DLGAP1: variants seen among roughly 807,000 people sequenced by gnomAD.
DLGAP1 encodes disks large-associated protein 1.
DLGAP1 carries 11 observed loss-of-function variants against 90.8 expected under a neutral mutation model. The observed-to-expected ratio is 0.12, with a 90% CI of 0.08 to 0.20. The LOEUF (loss-of-function observed/expected upper bound fraction) is 0.20. Among genes scored for constraint, DLGAP1 ranks in the 10% least tolerant of loss-of-function variants. DLGAP1 has a pLI of 1.00. For missense variants in DLGAP1, 1,050 were observed against 1,333.8 expected, an observed-to-expected ratio of 0.79 and a Z score of 3.31; for synonymous variants, 558 against 540.7, an observed-to-expected ratio of 1.03 and a Z score of -0.44.
At chr18:4,018,807 G>A (rs575638265) in intron 2 of DLGAP1, among the ~76,000 whole-genome samples, 10 of 152,256 alleles carry the variant, frequency 6.6e-5, no homozygotes, top group East Asian at 1.9e-4. Flanking sequence ...TTAATTATTC[G>A]AATTCTGAAT....
At chr18:3,860,158 G>C (rs924617110) in intron 4 of DLGAP1, among the ~76,000 whole-genome samples, 1 of 151,494 alleles carries the variant, frequency 6.6e-6, no homozygotes, top group African/African-American at 2.4e-5. Context: ...GGGGCATTTT[G>C]TTATTGCAGC....
chr18:3,608,473 T>C (rs2145858181), intron 7 of DLGAP1: 1 of 152,364 alleles, frequency 6.6e-6, no homozygotes, highest in Non-Finnish European at 1.5e-5. Flanking sequence ...TTAGTCACTT[T>C]GATTTTATTT....
chr18:4,013,074 A>C (rs1434858864), intron 2 of DLGAP1, among the ~76,000 whole-genome samples: 1 of 152,144 alleles, frequency 6.6e-6, no homozygotes, highest in Admixed American at 6.6e-5. Flanking sequence ...GAGTAATATT[A>C]AGTTGTAGTT....
intron 3 of DLGAP1, among the ~76,000 whole-genome samples, chr18:3,960,696 C>T (rs1229582767): frequency 1.3e-5 from 2 of 152,186 alleles, no homozygotes; most frequent in African/African-American, 2.4e-5. Flanking sequence ...CAGGTGAAGC[C>T]GAGGCTGTTA....
intron 5 of DLGAP1, among the ~76,000 whole-genome samples, chr18:3,751,975 C>A: frequency 6.6e-6 from 1 of 151,258 alleles, no homozygotes; most frequent in Non-Finnish European, 1.5e-5. Context: ...CCTCTGCTGC[C>A]CAGGTTCAAG....
At chr18:4,264,309 G>A (rs1437269585) in intron 1 of DLGAP1, among the ~76,000 whole-genome samples, 1 of 152,200 alleles carries the variant, frequency 6.6e-6, no homozygotes. Flanking sequence ...GCCAGCAGAT[G>A]TATGTGCTAG....
At chr18:4,269,560 T>G (rs890950903) in intron 1 of DLGAP1, among the ~76,000 whole-genome samples, 1 of 151,892 alleles carries the variant, frequency 6.6e-6, no homozygotes, top group East Asian at 1.9e-4. Flanking sequence ...TTCACCGTGT[T>G]AGCCAGGATG....
At chr18:3,858,883 A>G (rs1216842635) in intron 4 of DLGAP1, among the ~76,000 whole-genome samples, 1 of 151,988 alleles carries the variant, frequency 6.6e-6, no homozygotes, top group African/African-American at 2.4e-5. Flanking sequence ...TAAATGTAAG[A>G]AGAAAAGTGG....
At chr18:3,659,036 T>C (rs1351599862) in intron 7 of DLGAP1, among the ~76,000 whole-genome samples, 3 of 152,200 alleles carry the variant, frequency 2.0e-5, no homozygotes, top group Non-Finnish European at 4.4e-5. Context: ...TGTGATTCAC[T>C]AGCTCCAAAT....
At chr18:4,264,085 C>T (rs1368788430) in intron 1 of DLGAP1, among the ~76,000 whole-genome samples, 1 of 152,112 alleles carries the variant, frequency 6.6e-6, no homozygotes, top group Non-Finnish European at 1.5e-5. Flanking sequence ...GTTGGTGAGG[C>T]AAAATCAATT....
In DLGAP1 at chr18:3,729,583, A is replaced by G. The variant is rs1020674399; in HGVS notation, c.1351-208T>C. Among the ~76,000 whole-genome samples, 8 of 151,494 alleles carry G rather than the reference A, an allele frequency of 5.3e-5. No individual in the cohort carries two copies. ...CAATAGATTACTTTTTTTTTCTTGTATTTTTAGTAGAGACAGGGTTTCACC... is the reference window on the plus strand; with the variant it reads ...CAATAGATTACTTTTTTTTTCTTGTGTTTTTAGTAGAGACAGGGTTTCACC... On this transcript the variant is annotated intron_variant, in intron 6 of 12. Coordinates refer to ENST00000315677, the MANE Select transcript of DLGAP1 (RefSeq NM_004746.4). This position sits in a 1 kb window ranked among gnomAD's most constrained non-coding sequence, Gnocchi z 6.2.
Position 3,879,564 on chromosome 18 carries a change from T to C in DLGAP1, c.505A>G (p.Ser169Gly). Reference protein sequence around the residue: ...SKGSVNGGKASPDEAQAARYG... With the variant: ...SKGSVNGGKAGPDEAQAARYG... ...CGCGCCGCCTGCGCCTCGTCAGGGC[T>C]GGCCTTGCCCCCGTTGACGCTGCCC... The change falls in exon 4 of 13, where the codon AGC becomes GGC. Residue 169 changes from serine (S) to glycine (G), a missense_variant. Ser to Gly is a moderately conservative substitution (Grantham distance 56). Transcript: ENST00000315677. The surrounding 1 kb of genome is among the most constrained non-coding windows in gnomAD (Gnocchi z 6.6). 6.3e-7 allele frequency: 1 copy of C among 1,599,392 alleles called. No homozygotes were observed.
At chr18:3,834,162 C>G in intron 4 of DLGAP1, among the ~76,000 whole-genome samples, 1 of 151,708 alleles carries the variant, frequency 6.6e-6, no homozygotes, top group Non-Finnish European at 1.5e-5. Context: ...AAAAATTAGC[C>G]GGGTGTGGTG....
At chr18:4,271,942 A>G (rs2079293872) in intron 1 of DLGAP1, among the ~76,000 whole-genome samples, 1 of 152,204 alleles carries the variant, frequency 6.6e-6, no homozygotes, top group Admixed American at 6.5e-5. Context: ...CTCTGTGGTG[A>G]GAACACAGGA....
intron 1 of DLGAP1, among the ~76,000 whole-genome samples, chr18:4,373,345 G>T (rs1479108893): frequency 2.6e-5 from 4 of 152,168 alleles, no homozygotes; most frequent in African/African-American, 9.7e-5. Flanking sequence ...AGAATCCATA[G>T]AAAGTGGAAG....
chr18:3,508,779 CTGA>C, intron 10 of DLGAP1, 118 bp from the exon 11 acceptor site: 2 of 740,322 alleles, frequency 2.7e-6, no homozygotes, highest in Non-Finnish European at 4.4e-6. Flanking sequence ...CACACACACA[CTGA>C]ACACTCATGC....
At chr18:4,382,363 T>C (rs981803860) in intron 1 of DLGAP1, among the ~76,000 whole-genome samples, 7 of 152,204 alleles carry the variant, frequency 4.6e-5, no homozygotes, top group Non-Finnish European at 1.5e-5. Flanking sequence ...TTATTAGATA[T>C]TTTAAAATTA....
intron 1 of DLGAP1, among the ~76,000 whole-genome samples, chr18:4,198,721 T>C (rs964629553): frequency 2.0e-5 from 3 of 152,222 alleles, no homozygotes; most frequent in African/African-American, 7.2e-5. Flanking sequence ...GGATAAGAGA[T>C]TGGCCTCAAG....
intron 8 of DLGAP1, among the ~76,000 whole-genome samples, chr18:3,568,174 C>T (rs1399176160): frequency 1.3e-5 from 2 of 152,138 alleles, no homozygotes; most frequent in Non-Finnish European, 2.9e-5. Context: ...GTTGAGATTA[C>T]AGGCGTGAGC....
Sources: allele counts gnomAD v4.1 joint callset (sites outside exome capture counted in the v4.1 genomes callset), GRCh38; gene constraint gnomAD v4.1.1; non-coding constraint Gnocchi (gnomAD v3.1); transcripts MANE v1.5; gene names NCBI Gene and HGNC (gene_info 2026-07-23, HGNC 2026-07-21).